Variants in DSCAML1 observed in about 807,000 individuals in gnomAD.
DSCAML1 encodes DS cell adhesion molecule like 1.
A neutral mutation model predicts 200.5 loss-of-function variants in DSCAML1; 38 were observed. The ratio of observed to expected loss-of-function variants is 0.19; its 90% CI spans 0.15 to 0.25. The LOEUF is 0.25. Ranked by LOEUF, DSCAML1 falls within the 10% of genes least tolerant of loss-of-function variation. DSCAML1 has a pLI of 1.00. For synonymous variants in DSCAML1, 1,215 were observed against 1,165.0 expected (o/e 1.04, Z -0.87); for missense variants, 2,223 against 2,858.8 (o/e 0.78, Z 5.07).
chr11:117,619,073 C>T (rs1007397120), intron 3 of DSCAML1, among the ~76,000 whole-genome samples: 1 of 152,202 alleles, frequency 6.6e-6, no homozygotes, highest in Non-Finnish European at 1.5e-5. Flanking sequence ...GTTCCCTCCC[C>T]AGCTCCACTT....
intron 3 of DSCAML1, among the ~76,000 whole-genome samples, chr11:117,621,506 T>C (rs2051929330): frequency 6.6e-6 from 1 of 152,162 alleles, no homozygotes; most frequent in African/African-American, 2.4e-5. Context: ...GGAGGATAAG[T>C]GGTGCTTTAA....
intron 3 of DSCAML1, among the ~76,000 whole-genome samples, chr11:117,678,124 C>T (rs1013065762): frequency 6.6e-6 from 1 of 152,194 alleles, no homozygotes; most frequent in African/African-American, 2.4e-5. Flanking sequence ...CTGACAAGCT[C>T]GCTCTACCAG....
intron 2 of DSCAML1, among the ~76,000 whole-genome samples, chr11:117,777,674 C>A (rs527554221): frequency 1.3e-3 from 198 of 152,266 alleles, no homozygotes; most frequent in Non-Finnish European, 2.5e-3. Flanking sequence ...CTCTACAGCA[C>A]CCCTCCCTGA....
intron 2 of DSCAML1, among the ~76,000 whole-genome samples, chr11:117,779,163 G>T (rs1565279834): frequency 1.3e-5 from 2 of 152,194 alleles, no homozygotes; most frequent in Non-Finnish European, 2.9e-5. Flanking sequence ...GGAAAAGATG[G>T]TGTGACCTAG....
chr11:117,517,975 A>G (rs531672314), intron 7 of DSCAML1, among the ~76,000 whole-genome samples: 2 of 152,272 alleles, frequency 1.3e-5, no homozygotes, highest in South Asian at 4.2e-4. Flanking sequence ...CTGGTTGCTT[A>G]TACCTCCTGG....
At chr11:117,553,381 A>G (rs1216706101) in intron 3 of DSCAML1, among the ~76,000 whole-genome samples, 26 of 152,354 alleles carry the variant, frequency 1.7e-4, no homozygotes, top group Non-Finnish European at 5.9e-5. Context: ...TTTGCAAATC[A>G]TATCTCTGAT....
intron 3 of DSCAML1, among the ~76,000 whole-genome samples, chr11:117,684,489 T>C: frequency 7.3e-6 from 1 of 137,122 alleles, no homozygotes. Flanking sequence ...GTGTGTGGGG[T>C]GAAGACGCTA....
Position 117,646,262 on chromosome 11 carries a change from T to G in DSCAML1, c.512-113740A>C, listed in dbSNP as rs569472915. On this transcript the variant is annotated intron_variant, in intron 3 of 32. Transcript: ENST00000651296. ...CTGGCCAGATGGGAAGGGAGGGAGG[T>G]GGCTGCAGAGTCCCGGGACTCCCTG... Among the ~76,000 whole-genome samples the G allele has an allele frequency of 4.0e-5, 6 of 149,880 alleles. No homozygotes were observed. The South Asian group carries it at 1.3e-3, about 32-fold the overall frequency.
intron 3 of DSCAML1, among the ~76,000 whole-genome samples, chr11:117,717,005 ATGCACCCCAGC>A (rs1256457332): frequency 1.3e-5 from 1 of 78,194 alleles, no homozygotes; most frequent in East Asian, 4.1e-4. Flanking sequence ...TGCACCCCAG[ATGCACCCCAGC>A]ACCAGGCTGT....
At chr11:117,678,747 C>T (rs899308830) in intron 3 of DSCAML1, among the ~76,000 whole-genome samples, 20 of 152,158 alleles carry the variant, frequency 1.3e-4, no homozygotes, top group Middle Eastern at 3.2e-3. Flanking sequence ...CAATGGCATG[C>T]GCCAGAAGGC....
At chr11:117,804,151 G>C (rs2055687586) in intron 1 of DSCAML1, among the ~76,000 whole-genome samples, 1 of 152,234 alleles carries the variant, frequency 6.6e-6, no homozygotes, top group Non-Finnish European at 1.5e-5. Context: ...ACGGCTCCTG[G>C]GGTGCCCCAG....
intron 3 of DSCAML1, among the ~76,000 whole-genome samples, chr11:117,564,626 C>G (rs1238419339): frequency 6.6e-6 from 1 of 152,082 alleles, no homozygotes; most frequent in Non-Finnish European, 1.5e-5. Context: ...AGGCTCTGCT[C>G]AAACCTCTCT....
chr11:117,547,829 G>A (rs376454868), intron 3 of DSCAML1, among the ~76,000 whole-genome samples: 2 of 152,248 alleles, frequency 1.3e-5, no homozygotes, highest in East Asian at 3.9e-4. Context: ...AAAATCCTTA[G>A]CAGGGCAGCC....
In DSCAML1 at chr11:117,447,081, G is replaced by A. The variant is rs150836154; in HGVS notation, c.3709-3042C>T. Among the ~76,000 whole-genome samples, 885 of 152,278 alleles carry A rather than the reference G, an allele frequency of 5.8e-3. 7 individuals are homozygous for A. Among genetic ancestry groups the A allele is most frequent in the African/African-American group, 0.02 (836 of 41,552 alleles). The stretch of plus-strand genomic sequence containing the variant: ...GAGGAGGGCGGATCACTGAGGTCAG[G>A]AGTTCGAGACCAGCCTGGCCAACAT... On this transcript the variant is annotated intron_variant, in intron 20 of 32. Transcript: ENST00000651296.
intron 14 of DSCAML1, among the ~76,000 whole-genome samples, chr11:117,473,753 T>C (rs958528110): frequency 1.3e-5 from 2 of 152,200 alleles, no homozygotes; most frequent in East Asian, 3.8e-4. Context: ...CTGTTGGTGC[T>C]CAAAAACACA....
chr11:117,458,668 T>A (rs1483705197), intron 19 of DSCAML1, 86 bp downstream of exon 19: 1 of 1,523,852 alleles, frequency 6.6e-7, no homozygotes, highest in Non-Finnish European at 8.9e-7. Context: ...GACAGTACCC[T>A]GCTCTCACCC....
chr11:117,536,482 C>T (rs1224255709), intron 3 of DSCAML1, among the ~76,000 whole-genome samples: 3 of 152,200 alleles, frequency 2.0e-5, no homozygotes, highest in African/African-American at 4.8e-5. Flanking sequence ...CCAGTACCTC[C>T]GGGTCCAGCA....
intron 3 of DSCAML1, among the ~76,000 whole-genome samples, chr11:117,632,608 G>C (rs1178385309): frequency 6.6e-6 from 1 of 152,210 alleles, no homozygotes; most frequent in South Asian, 2.1e-4. Context: ...AGTAGGAGCC[G>C]TAGTAGACTT....
At chr11:117,482,222 C>T (rs186500169) in intron 11 of DSCAML1, 60 bp from the exon 12 acceptor site, 135 of 1,590,154 alleles carry the variant, frequency 8.5e-5, no homozygotes, top group East Asian at 1.8e-4. Context: ...GGAGGAGGCA[C>T]GCGTGCCCTG....
Sources: gnomAD v4.1 joint callset for allele counts (sites outside exome capture counted in the v4.1 genomes callset) on GRCh38, gnomAD v4.1.1 for gene constraint, MANE v1.5 for transcripts, NCBI Gene and HGNC (gene_info 2026-07-23, HGNC 2026-07-21) for gene names.